The following BBX variants were observed in gnomAD, a reference collection of about 807,000 sequenced individuals.
The protein encoded by BBX is HMG box transcription factor BBX.
BBX carries 30 observed loss-of-function variants against 100.2 expected under a neutral mutation model. The ratio of observed to expected loss-of-function variants is 0.30; its 90% confidence interval spans 0.22 to 0.41. BBX has a LOEUF of 0.41. Ranked by LOEUF, BBX falls within the 10% of genes least tolerant of loss-of-function variation. BBX has a pLI of 1.00. For missense variants in BBX, 1,023 were observed against 1,129.8 expected, an observed-to-expected ratio of 0.91 and a Z score of 1.35; for synonymous variants, 376 against 388.1, an observed-to-expected ratio of 0.97 and a Z score of 0.37.
intron 3 of BBX, among the ~76,000 whole-genome samples, chr3:107,661,228 C>T (rs1295985988): frequency 3.3e-5 from 5 of 151,748 alleles, no homozygotes; most frequent in Admixed American, 2.6e-4. Flanking sequence ...AAAATTTTAT[C>T]CTTAATTATG....
chr3:107,550,130 T>TA (rs1344383253), intron 2 of BBX, among the ~76,000 whole-genome samples: 1 of 152,164 alleles, frequency 6.6e-6, no homozygotes, highest in Non-Finnish European at 1.5e-5. Context: ...ATAGGTAAGA[T>TA]ACATGCTCAC....
chr3:107,785,843 A>G (rs1032026428), intron 13 of BBX, among the ~76,000 whole-genome samples: 5 of 152,044 alleles, frequency 3.3e-5, no homozygotes, highest in African/African-American at 1.2e-4. Context: ...TTAGGTAAGA[A>G]ACAGAAACAA....
chr3:107,690,005 A>T (rs1232109973), intron 3 of BBX, among the ~76,000 whole-genome samples: 1 of 152,206 alleles, frequency 6.6e-6, no homozygotes, highest in Non-Finnish European at 1.5e-5. Flanking sequence ...AGGCTTTGTA[A>T]GTTATAAAGT....
At chr3:107,595,063 T>A (rs1233205947) in intron 2 of BBX, among the ~76,000 whole-genome samples, 1 of 152,050 alleles carries the variant, frequency 6.6e-6, no homozygotes, top group South Asian at 2.1e-4. Flanking sequence ...TGCGGCAGAG[T>A]CTGTGTTTAT....
chr3:107,659,645 A>T, intron 3 of BBX: 1 of 999,784 alleles, frequency 1.0e-6, no homozygotes, highest in Non-Finnish European at 1.3e-6. Context: ...GCTGGAATTC[A>T]AACTCAGGCT....
chr3:107,559,312 A>G (rs2050314091), intron 2 of BBX, among the ~76,000 whole-genome samples: 2 of 152,216 alleles, frequency 1.3e-5, no homozygotes, highest in African/African-American at 2.4e-5. Context: ...GAAGCAATCA[A>G]TGTGTAGGAT....
intron 3 of BBX, among the ~76,000 whole-genome samples, chr3:107,654,391 A>C (rs1340569204): frequency 6.6e-6 from 1 of 152,094 alleles, no homozygotes; most frequent in African/African-American, 2.4e-5. Flanking sequence ...TGTTTCAATC[A>C]TGTCTCTTTT....
At position 107,809,147 on chromosome 3, in the gene BBX, T is replaced by C. The variant is rs1434219214; in HGVS notation, c.*3690T>C. 2.0e-5 allele frequency: 3 copies of C among 152,250 alleles called. No homozygotes were observed. The highest frequency in any genetic ancestry group is 4.4e-5 in the Non-Finnish European group (3 of 68,046). 9.4% of individuals were successfully genotyped at this position (152,250 alleles called of 1,614,324 possible). On this transcript the variant is annotated 3_prime_UTR_variant, in exon 18 of 18. Transcript: ENST00000325805. ...TTTGCACCTATGTAAAGTCACAAGC[T>C]AATTACAAATTGCTACAGAACAGGA...
At chr3:107,730,294 G>T (rs1182117744) in intron 6 of BBX, among the ~76,000 whole-genome samples, 1 of 152,122 alleles carries the variant, frequency 6.6e-6, no homozygotes, top group Non-Finnish European at 1.5e-5. Context: ...TTATTAGATA[G>T]TCTTGGTGAG....
chr3:107,619,989 T>C (rs1477087496), intron 2 of BBX, among the ~76,000 whole-genome samples: 2 of 152,156 alleles, frequency 1.3e-5, no homozygotes, highest in Non-Finnish European at 2.9e-5. Context: ...CCTGCTCTCT[T>C]TCTTCTCTCC....
At chr3:107,599,021 G>A (rs1163303068) in intron 2 of BBX, among the ~76,000 whole-genome samples, 1 of 152,140 alleles carries the variant, frequency 6.6e-6, no homozygotes, top group Non-Finnish European at 1.5e-5. Context: ...CAGAGTAGAG[G>A]TGGATTGGCA....
chr3:107,676,089 G>A (rs1365547853), intron 3 of BBX, among the ~76,000 whole-genome samples: 1 of 151,934 alleles, frequency 6.6e-6, no homozygotes, highest in African/African-American at 2.4e-5. Context: ...TACAATGTGG[G>A]AATCTGAAAA....
intron 10 of BBX, among the ~76,000 whole-genome samples, chr3:107,769,221 GATA>G: frequency 7.4e-6 from 1 of 135,754 alleles, no homozygotes; most frequent in African/African-American, 2.8e-5. Flanking sequence ...TAGATAGATA[GATA>G]GATAGACAGA....
intron 7 of BBX, among the ~76,000 whole-genome samples, chr3:107,739,856 G>T (rs1560073825): frequency 6.6e-6 from 1 of 152,110 alleles, no homozygotes; most frequent in African/African-American, 2.4e-5. Flanking sequence ...GGAAACTGAG[G>T]CAGAAAGGTG....
chr3:107,761,604 T>C (rs1462869510), intron 10 of BBX, among the ~76,000 whole-genome samples: 1 of 152,200 alleles, frequency 6.6e-6, no homozygotes. Context: ...TGAACCTGAT[T>C]GTTTGACCTT....
chr3:107,527,468 A>G (rs1409078583), intron 2 of BBX, among the ~76,000 whole-genome samples: 1 of 152,246 alleles, frequency 6.6e-6, no homozygotes, highest in Non-Finnish European at 1.5e-5. Flanking sequence ...TGTATTAAGA[A>G]TATAAAACTG....
At chr3:107,598,049 A>G (rs1288278230) in intron 2 of BBX, among the ~76,000 whole-genome samples, 3 of 152,200 alleles carry the variant, frequency 2.0e-5, no homozygotes, top group Non-Finnish European at 2.9e-5. Context: ...AAAAGTTGAC[A>G]TGGAAATTGA....
intron 10 of BBX, among the ~76,000 whole-genome samples, chr3:107,761,216 A>G (rs2065874198): frequency 6.6e-6 from 1 of 152,272 alleles, no homozygotes; most frequent in South Asian, 2.1e-4. Context: ...GATGGTAACA[A>G]GTCTATCAGA....
intron 14 of BBX, 41 bp from the exon 15 acceptor site, chr3:107,791,199 T>A (rs545420518): frequency 6.4e-7 from 1 of 1,554,986 alleles, no homozygotes; most frequent in East Asian, 2.2e-5. Context: ...CTACTAAGAG[T>A]AGAGTTTCAC....
Sources: gnomAD v4.1 joint callset for allele counts (sites outside exome capture counted in the v4.1 genomes callset) on GRCh38, gnomAD v4.1.1 for gene constraint, MANE v1.5 for transcripts, NCBI Gene and HGNC (gene_info 2026-07-23, HGNC 2026-07-21) for gene names.